GALNT8: variants seen among roughly 807,000 people sequenced by gnomAD.
The protein encoded by GALNT8 is polypeptide N-acetylgalactosaminyltransferase 8.
In GALNT8, 66 loss-of-function variants were observed where a neutral mutation model predicts 62.7. The observed-to-expected ratio is 1.05, with a 90% CI of 0.86 to 1.29. The LOEUF is 1.29. GALNT8 is among the 50% of genes most tolerant of loss of function. GALNT8 has a pLI of 0.00. For missense variants in GALNT8, 771 were observed against 791.8 expected (o/e 0.97, Z 0.32); for synonymous variants, 288 against 294.3 (o/e 0.98, Z 0.22).
At chr12:4,735,188 C>T (rs1946238941) in intron 2 of GALNT8, among the ~76,000 whole-genome samples, 1 of 152,160 alleles carries the variant, frequency 6.6e-6, no homozygotes, top group Non-Finnish European at 1.5e-5. Context: ...CATTTTCTTT[C>T]CCTAGCAAAA....
rs1002203012 is a variant in GALNT8, at chr12:4,749,156, G to A, written c.1173+2898G>A. On this transcript the variant is annotated intron_variant, in intron 6 of 10. Coordinates refer to ENST00000252318, the MANE Select transcript of GALNT8 (RefSeq NM_017417.2). This position sits in a 1 kb window ranked among gnomAD's most constrained non-coding sequence, Gnocchi z 4.1. Reference sequence around the variant, plus strand: ...TAAGATTATGTCATCTGCAAACAAGGGTAACTTGAACTTCATCCATTCCAA... The same window carrying A: ...TAAGATTATGTCATCTGCAAACAAGAGTAACTTGAACTTCATCCATTCCAA... Among the ~76,000 whole-genome samples the A allele has an allele frequency of 6.6e-6, 1 of 152,066 alleles. No homozygotes were observed. Among genetic ancestry groups the A allele is most frequent in the Non-Finnish European group, 1.5e-5 (1 of 67,964 alleles).
rs377307755 is a variant in GALNT8, at chr12:4,761,767, G to A, written c.1359+624G>A. ...TAAGCCCACATCTTATACACTGGCT[G>A]CTTAAGGTCGTGCTGTGCTCTCTCG... On this transcript the variant is annotated intron_variant, in intron 7 of 10. Coordinates refer to ENST00000252318, the MANE Select transcript of GALNT8 (RefSeq NM_017417.2). 3.9e-5 allele frequency among the ~76,000 whole-genome samples: 6 copies of A among 152,304 alleles called. No individual in the cohort carries two copies. The East Asian group carries it at 7.7e-4, about 20-fold the overall frequency.
At chr12:4,761,840 C>T (rs1184075051) in intron 7 of GALNT8, among the ~76,000 whole-genome samples, 1 of 152,052 alleles carries the variant, frequency 6.6e-6, no homozygotes, top group Non-Finnish European at 1.5e-5. Context: ...GCTGTGTTGG[C>T]CCACAGGGAG....
At chr12:4,740,160 G>C (rs1371268718) in intron 3 of GALNT8, among the ~76,000 whole-genome samples, 5 of 152,140 alleles carry the variant, frequency 3.3e-5, no homozygotes, top group African/African-American at 1.2e-4. Flanking sequence ...TTGCCCACAG[G>C]GTGCCCGTGC....
At chr12:4,731,724 G>A (rs756616860) in intron 2 of GALNT8, among the ~76,000 whole-genome samples, 1 of 151,974 alleles carries the variant, frequency 6.6e-6, no homozygotes, top group African/African-American at 2.4e-5. Flanking sequence ...GTGATTTTTC[G>A]CATCTATTGA....
chr12:4,725,799 C>T (rs1441378586), intron 1 of GALNT8, among the ~76,000 whole-genome samples: 1 of 152,116 alleles, frequency 6.6e-6, no homozygotes, highest in Admixed American at 6.5e-5. Flanking sequence ...TGTGATCCGC[C>T]CACCTCGGCC....
At chr12:4,745,974 T>C (rs1006166935) in intron 5 of GALNT8, among the ~76,000 whole-genome samples, 170 bp from the exon 6 acceptor site, 1 of 152,194 alleles carries the variant, frequency 6.6e-6, no homozygotes, top group Non-Finnish European at 1.5e-5. Context: ...GATAACGCAG[T>C]GGGCGAGGGA....
At position 4,731,573 on chromosome 12, in the gene GALNT8, G is replaced by A. The variant is rs373218491; in HGVS notation, c.509+4744G>A. ...TCTTGTCTTGTTCCTGACCTTAGAG[G>A]AAAAGCTCTCAATTTTTCCTCATTG... is the stretch of plus-strand genomic sequence containing the variant. On this transcript the variant is annotated intron_variant, in intron 2 of 10. Transcript: ENST00000252318. Among the ~76,000 whole-genome samples, 72 of 152,252 alleles carry A rather than the reference G, an allele frequency of 4.7e-4. No individual in the cohort carries two copies. In the South Asian group the frequency reaches 0.012, roughly 25 times the overall value.
intron 10 of GALNT8, among the ~76,000 whole-genome samples, chr12:4,765,879 C>G (rs1363268232): frequency 2.0e-5 from 3 of 152,216 alleles, no homozygotes; most frequent in Non-Finnish European, 2.9e-5. Flanking sequence ...GGTCCTGGTT[C>G]AAGCAATTCT....
chr12:4,729,400 C>A (rs1316182280), intron 2 of GALNT8, among the ~76,000 whole-genome samples: 2 of 152,124 alleles, frequency 1.3e-5, no homozygotes, highest in Non-Finnish European at 2.9e-5. Flanking sequence ...AAATTTGTAT[C>A]CTTTAACCAA....
At position 4,763,274 on chromosome 12, in the gene GALNT8, G is replaced by C. The variant is rs1481526782; in HGVS notation, c.1381G>C (p.Asp461His). 2 of 1,611,894 alleles carry C rather than the reference G, an allele frequency of 1.2e-6. No homozygotes were observed. The highest frequency in any genetic ancestry group is 2.7e-5 in the African/African-American group (2 of 74,876). The change falls in exon 8 of 11, where the codon GAC (aspartate) becomes CAC (histidine). Residue 461 changes from aspartate to histidine, a missense_variant. By Grantham distance (81) the Asp-to-His change is moderately conservative (BLOSUM62 -1). Coordinates refer to ENST00000252318, the MANE Select transcript of GALNT8 (RefSeq NM_017417.2). The stretch of plus-strand genomic sequence containing the variant: ...ACAGAACTCTGGAATAGATTTTGGA[G>C]ACGTTTCTTCCAGAATGGCACTCCG... ...PLQNSGIDFG[D>H]VSSRMALREK...
intron 2 of GALNT8, among the ~76,000 whole-genome samples, chr12:4,731,600 G>A (rs1193448731): frequency 6.6e-6 from 1 of 152,152 alleles, no homozygotes; most frequent in Non-Finnish European, 1.5e-5. Flanking sequence ...TCCTCATTGA[G>A]TATGATGTTA....
intron 8 of GALNT8, 103 bp downstream of exon 8, chr12:4,763,493 A>G: frequency 1.1e-6 from 1 of 908,054 alleles, no homozygotes; most frequent in Admixed American, 2.0e-5. Context: ...CGCCCTTCCT[A>G]CCTCAGCTTT....
At chr12:4,767,585 A>G (rs1946405387) in intron 10 of GALNT8, among the ~76,000 whole-genome samples, 1 of 152,160 alleles carries the variant, frequency 6.6e-6, no homozygotes, top group Non-Finnish European at 1.5e-5. Context: ...CAAGGGGAGG[A>G]CTTACTAAAG....
chr12:4,763,602 A>C (rs1215471657), intron 8 of GALNT8, among the ~76,000 whole-genome samples: 1 of 151,836 alleles, frequency 6.6e-6, no homozygotes, highest in Non-Finnish European at 1.5e-5. Context: ...TCCCCTTGAA[A>C]ACTATAGCTC....
chr12:4,744,462 G>T (rs760340512), intron 3 of GALNT8, 55 bp from the exon 4 acceptor site: 1 of 1,279,904 alleles, frequency 7.8e-7, no homozygotes, highest in Non-Finnish European at 1.1e-6. Flanking sequence ...TAAAACTTTT[G>T]TATCACGTTG....
rs1946428975 is a variant in GALNT8 at position 4,772,442 on chromosome 12, C to T, written c.1762-3C>T. ...CCTTGGCTCTGTCTCTCTTCCCCTC[C>T]AGGGAGGAGCTGTCATAAACAGAGA... On this transcript the variant is annotated splice_region_variant and splice_polypyrimidine_tract_variant and intron_variant, in intron 10 of 10. Coordinates refer to ENST00000252318, the MANE Select transcript of GALNT8 (RefSeq NM_017417.2). 1 of 1,613,028 alleles carries T rather than the reference C, an allele frequency of 6.2e-7. No homozygotes were observed. The highest frequency in any genetic ancestry group is 8.5e-7 in the Non-Finnish European group (1 of 1,179,520).
chr12:4,756,410 AC>A (rs2137538465), intron 6 of GALNT8, among the ~76,000 whole-genome samples: 1 of 152,340 alleles, frequency 6.6e-6, no homozygotes, highest in South Asian at 2.1e-4. Flanking sequence ...TGCATTAAGC[AC>A]CTAGTATGGT....
At chr12:4,757,457 C>A (rs966807381) in intron 6 of GALNT8, among the ~76,000 whole-genome samples, 6 of 152,184 alleles carry the variant, frequency 3.9e-5, no homozygotes, top group Admixed American at 2.0e-4. Flanking sequence ...ACAGTTTGAA[C>A]ATAAGCAGTT....
Sources: gnomAD v4.1 joint callset for allele counts (sites outside exome capture counted in the v4.1 genomes callset) on GRCh38, gnomAD v4.1.1 for gene constraint, Gnocchi (gnomAD v3.1) non-coding constraint, MANE v1.5 for transcripts, NCBI Gene and HGNC (gene_info 2026-07-23, HGNC 2026-07-21) for gene names.